NEMP2: variants seen among roughly 807,000 people sequenced by gnomAD.
NEMP2 encodes the protein UPF0571 transmembrane protein.
NEMP2 carries 53 observed loss-of-function variants against 54.2 expected under a neutral mutation model. The ratio of observed to expected loss-of-function variants is 0.98; its 90% CI spans 0.78 to 1.23. The LOEUF (loss-of-function observed/expected upper bound fraction) is 1.23. Ranked by LOEUF, NEMP2 falls within the 50% of genes most tolerant of loss-of-function variation. The pLI is 0.00. For synonymous variants in NEMP2, 197 were observed against 190.3 expected, an observed-to-expected ratio of 1.04 and a Z score of -0.29; for missense variants, 455 against 511.3, an observed-to-expected ratio of 0.89 and a Z score of 1.06.
chr2:190,580,084 T>C, the NEMP2 span, among the ~76,000 whole-genome samples: 1 of 152,146 alleles, frequency 6.6e-6, no homozygotes, highest in Admixed American at 6.6e-5. This position sits in a 1 kb window ranked among gnomAD's most constrained non-coding sequence, Gnocchi z 5.3. Context: ...GTGATTCTGA[T>C]TCAGTAGGCC....
chr2:190,493,115 G>A, the NEMP2 span, among the ~76,000 whole-genome samples: 22 of 151,972 alleles, frequency 1.4e-4, no homozygotes, highest in Non-Finnish European at 3.1e-4. Context: ...CACCAACCAA[G>A]TATCTGCTGC....
At chr2:190,479,739 AC>A in the NEMP2 span, among the ~76,000 whole-genome samples, 1 of 152,134 alleles carries the variant, frequency 6.6e-6, no homozygotes, top group Non-Finnish European at 1.5e-5. Context: ...CTAAAGAGGT[AC>A]TTTTGAGTTA....
the NEMP2 span, chr2:190,626,263 G>A: frequency 2.0e-5 from 3 of 152,056 alleles, no homozygotes; most frequent in South Asian, 6.2e-4. This position sits in a 1 kb window ranked among gnomAD's most constrained non-coding sequence, Gnocchi z 4.5. Context: ...ATTTTGGGGG[G>A]ACACAAATAT....
chr2:190,437,238 G>A, the NEMP2 span: 1 of 1,614,246 alleles, frequency 6.2e-7, no homozygotes. The surrounding 1 kb of genome is among the most constrained non-coding windows in gnomAD (Gnocchi z 5.9). Flanking sequence ...ATTCTAAAGG[G>A]AAAGAGGTGG....
chr2:190,470,799 A>C, the NEMP2 span, among the ~76,000 whole-genome samples: 13 of 152,340 alleles, frequency 8.5e-5, 2 homozygotes, highest in African/African-American at 2.9e-4. Flanking sequence ...CAGAATGTAC[A>C]AAATGCCAGC....
the NEMP2 span, among the ~76,000 whole-genome samples, chr2:190,564,305 T>G: frequency 6.6e-6 from 1 of 152,246 alleles, no homozygotes; most frequent in African/African-American, 2.4e-5. The surrounding 1 kb of genome is among the most constrained non-coding windows in gnomAD (Gnocchi z 4.2). Flanking sequence ...TCCTTCTCTT[T>G]TATCTCTCCA....
chr2:190,502,981 C>T (rs1427052813), downstream of NEMP2, among the ~76,000 whole-genome samples: 2 of 152,124 alleles, frequency 1.3e-5, no homozygotes, highest in Non-Finnish European at 2.9e-5. This position sits in a 1 kb window ranked among gnomAD's most constrained non-coding sequence, Gnocchi z 4.4. Flanking sequence ...AGCACCTTAC[C>T]CCACCCCAGG....
the NEMP2 span, among the ~76,000 whole-genome samples, chr2:190,586,323 T>C: frequency 6.6e-6 from 1 of 152,092 alleles, no homozygotes; most frequent in Non-Finnish European, 1.5e-5. The surrounding 1 kb of genome is among the most constrained non-coding windows in gnomAD (Gnocchi z 4.5). Flanking sequence ...CCGAAGTCAG[T>C]TTCGTTTTGG....
chr2:190,480,548 T>A, the NEMP2 span, among the ~76,000 whole-genome samples: 133,877 of 152,256 alleles, frequency 0.88, 59,674 homozygotes, highest in East Asian at 1. Flanking sequence ...ATCTGTAAAA[T>A]CACCCATGTA....
At chr2:190,568,426 C>T in the NEMP2 span, among the ~76,000 whole-genome samples, 2 of 152,280 alleles carry the variant, frequency 1.3e-5, no homozygotes, top group East Asian at 3.9e-4. The surrounding 1 kb of genome is among the most constrained non-coding windows in gnomAD (Gnocchi z 4.7). Flanking sequence ...AAATAATAAT[C>T]AACTCCTGGG....
chr2:190,514,995 T>C lies in NEMP2; in HGVS notation c.728-317A>G, dbSNP rs939774048. 6.6e-6 allele frequency among the ~76,000 whole-genome samples: 1 copy of C among 152,192 alleles called. No individual in the cohort carries two copies. Among genetic ancestry groups the C allele is most frequent in the Non-Finnish European group, 1.5e-5 (1 of 68,038 alleles). The stretch of plus-strand genomic sequence containing the variant: ...TTTGGTCAGGAAGAAGTCACAGTTG[T>C]ATGTCACCATTGGCTACAAACCCTA... On this transcript the variant is annotated intron_variant, in intron 6 of 8. Coordinates refer to ENST00000409150, the MANE Select transcript of NEMP2 (RefSeq NM_001142645.2). The surrounding 1 kb of genome is among the most constrained non-coding windows in gnomAD (Gnocchi z 5.7).
At chr2:190,534,369 G>A in intron 1 of NEMP2, 190 bp downstream of exon 1, 1 of 1,206,894 alleles carries the variant, frequency 8.3e-7, no homozygotes, top group Non-Finnish European at 1.0e-6. Flanking sequence ...CCAGGCGAGA[G>A]ACTACGGAAG....
At chr2:190,465,953 A>G in the NEMP2 span, among the ~76,000 whole-genome samples, 1 of 152,208 alleles carries the variant, frequency 6.6e-6, no homozygotes, top group Non-Finnish European at 1.5e-5. This position sits in a 1 kb window ranked among gnomAD's most constrained non-coding sequence, Gnocchi z 4.6. Context: ...AGATCATGCC[A>G]TTGCAAAAAA....
At chr2:190,432,822 G>A in the NEMP2 span, among the ~76,000 whole-genome samples, 1 of 34,756 alleles carries the variant, frequency 2.9e-5, no homozygotes, top group Non-Finnish European at 5.6e-5. Context: ...TGCCACCCCC[G>A]CCCCCCAACA....
Position 190,519,244 on chromosome 2 carries a change from C to T in NEMP2, c.214-61G>A. 8.3e-7 allele frequency: 1 copy of T among 1,200,982 alleles called. No individual in the cohort carries two copies. Among genetic ancestry groups the T allele is most frequent in the Admixed American group, 2.1e-5 (1 of 47,956 alleles). 74.4% of individuals were successfully genotyped at this position (1,200,982 alleles called of 1,614,324 possible). On this transcript the variant is annotated intron_variant, in intron 2 of 8. Coordinates refer to ENST00000409150, the MANE Select transcript of NEMP2 (RefSeq NM_001142645.2). This position sits in a 1 kb window ranked among gnomAD's most constrained non-coding sequence, Gnocchi z 5.4. ...TAACTTCTCTTTTTTGTTTTGGAGACAGGGTCTCCCTCTGTTGCCCAGAAT... is the reference window on the plus strand; with the variant it reads ...TAACTTCTCTTTTTTGTTTTGGAGATAGGGTCTCCCTCTGTTGCCCAGAAT...
chr2:190,638,497 A>G, the NEMP2 span, among the ~76,000 whole-genome samples: 79 of 152,278 alleles, frequency 5.2e-4, no homozygotes, highest in African/African-American at 1.7e-3. This position sits in a 1 kb window ranked among gnomAD's most constrained non-coding sequence, Gnocchi z 5.7. Flanking sequence ...AGCAATGTCA[A>G]TAGTCCTGAC....
rs1188059521 is a variant in NEMP2 at position 190,507,408 on chromosome 2, C to G, written c.*1781G>C. 1.3e-5 allele frequency: 2 copies of G among 152,164 alleles called. No individual in the cohort carries two copies. Among genetic ancestry groups the G allele is most frequent in the Non-Finnish European group, 2.9e-5 (2 of 68,034 alleles). The allele number at this position is 152,164 out of a possible 1,614,324, so 9.4% of individuals were successfully genotyped here. A position where few individuals can be genotyped will look rare whatever the true frequency, so the allele number is the denominator to read the frequency against. On this transcript the variant is annotated 3_prime_UTR_variant, in exon 9 of 9. Transcript: ENST00000409150. This position sits in a 1 kb window ranked among gnomAD's most constrained non-coding sequence, Gnocchi z 4.4. ...GCAGATTGTTCATGTGTTATTTACTCATACGCATACGTTGTAGCACACAAA... is the reference window on the plus strand; with the variant it reads ...GCAGATTGTTCATGTGTTATTTACTGATACGCATACGTTGTAGCACACAAA...
downstream of NEMP2, chr2:190,500,299 T>C: frequency 1.4e-6 from 2 of 1,474,156 alleles, no homozygotes; most frequent in Non-Finnish European, 1.9e-6. The surrounding 1 kb of genome is among the most constrained non-coding windows in gnomAD (Gnocchi z 5.3). Context: ...AGCCAGGATA[T>C]GCCTCCCCTG....
downstream of NEMP2, chr2:190,501,773 T>A (rs1026898462): frequency 5.9e-5 from 9 of 152,624 alleles, no homozygotes; most frequent in African/African-American, 1.9e-4. Context: ...GAAATAGAAT[T>A]CAGCAAATAG....
Sources: allele counts gnomAD v4.1 joint callset (sites outside exome capture counted in the v4.1 genomes callset), GRCh38; gene constraint gnomAD v4.1.1; non-coding constraint Gnocchi (gnomAD v3.1); transcripts MANE v1.5; gene names NCBI Gene and HGNC (gene_info 2026-07-23, HGNC 2026-07-21).